Variants in STXBP5L observed in about 807,000 individuals in gnomAD.
The protein encoded by STXBP5L is syntaxin binding protein 5L.
STXBP5L carries 65 observed loss-of-function variants against 144.5 expected under a neutral mutation model. The ratio of observed to expected loss-of-function variants is 0.45; its 90% CI spans 0.37 to 0.55. STXBP5L has a LOEUF of 0.55. Ranked by LOEUF, STXBP5L falls within the 20% of genes least tolerant of loss-of-function variation. The probability of loss-of-function intolerance (pLI) is 0.00; values close to 1 mark genes in which losing one functional copy is unlikely to be tolerated. For synonymous variants in STXBP5L, 505 were observed against 469.6 expected (o/e 1.08, Z -0.97); for missense variants, 1,298 against 1,405.5 (o/e 0.92, Z 1.22).
At chr3:121,024,132 A>G (rs755107472) in intron 3 of STXBP5L, among the ~76,000 whole-genome samples, 2 of 152,174 alleles carry the variant, frequency 1.3e-5, no homozygotes, top group Non-Finnish European at 2.9e-5. Context: ...GAATCAAAAG[A>G]GAGGCCACAG....
intron 5 of STXBP5L, among the ~76,000 whole-genome samples, chr3:121,055,592 C>T (rs937609106): frequency 2.0e-5 from 3 of 151,984 alleles, no homozygotes; most frequent in African/African-American, 7.2e-5. Flanking sequence ...CTCACTGCAG[C>T]CTCAAACTCC....
In STXBP5L at chr3:121,185,929, T is replaced by G. The variant is rs565916219; in HGVS notation, c.878-19994T>G. ...CAATATTGATTCTTCCTACCCATGATCATAGAATGTTCTTCCATTTGTTTG... is the reference window on the plus strand; with the variant it reads ...CAATATTGATTCTTCCTACCCATGAGCATAGAATGTTCTTCCATTTGTTTG... On this transcript the variant is annotated intron_variant, in intron 9 of 26. Transcript: ENST00000471454. Among the ~76,000 whole-genome samples, 10 of 152,306 alleles carry G rather than the reference T, an allele frequency of 6.6e-5. No homozygotes were observed. The East Asian group carries it at 1.7e-3, about 26-fold the overall frequency.
chr3:120,981,670 A>T (rs1449335410), intron 3 of STXBP5L, among the ~76,000 whole-genome samples: 1 of 152,050 alleles, frequency 6.6e-6, no homozygotes, highest in African/African-American at 2.4e-5. Flanking sequence ...TGAATTCTTT[A>T]TCTTTGAATT....
At chr3:120,986,826 CA>C in intron 3 of STXBP5L, among the ~76,000 whole-genome samples, 1 of 151,758 alleles carries the variant, frequency 6.6e-6, no homozygotes, top group Admixed American at 6.6e-5. Context: ...CAGAACAATT[CA>C]AAGACAGATT....
intron 20 of STXBP5L, among the ~76,000 whole-genome samples, chr3:121,374,400 A>T (rs1228916149): frequency 2.6e-5 from 4 of 152,184 alleles, no homozygotes; most frequent in Admixed American, 2.0e-4. Flanking sequence ...GAACACAAAA[A>T]ATCAAGAAAA....
chr3:121,197,871 G>T (rs985508457), intron 9 of STXBP5L, among the ~76,000 whole-genome samples: 13 of 152,070 alleles, frequency 8.5e-5, no homozygotes, highest in African/African-American at 3.1e-4. Context: ...TATATGTGCC[G>T]CATTTTCTTA....
At chr3:121,109,376 T>A (rs2107807574) in intron 5 of STXBP5L, among the ~76,000 whole-genome samples, 1 of 152,332 alleles carries the variant, frequency 6.6e-6, no homozygotes, top group South Asian at 2.1e-4. Flanking sequence ...TCTATAAATT[T>A]CCCTCTTAAC....
intron 3 of STXBP5L, among the ~76,000 whole-genome samples, chr3:121,029,553 C>T (rs954185922): frequency 2.0e-5 from 3 of 151,976 alleles, no homozygotes; most frequent in East Asian, 1.9e-4. Flanking sequence ...AAGACTTAAA[C>T]GTAAGACCTA....
At chr3:121,409,908 G>A (rs2047077454) in intron 23 of STXBP5L, among the ~76,000 whole-genome samples, 1 of 150,982 alleles carries the variant, frequency 6.6e-6, no homozygotes, top group Admixed American at 6.6e-5. Flanking sequence ...AAAGAGAGAT[G>A]AGACAGGAAA....
chr3:121,352,716 A>G (rs1173676344), intron 20 of STXBP5L, among the ~76,000 whole-genome samples: 1 of 151,872 alleles, frequency 6.6e-6, no homozygotes, highest in Non-Finnish European at 1.5e-5. Flanking sequence ...TTCCAACATT[A>G]TGTTAAATAG....
chr3:121,294,224 G>A (rs1457106731), intron 19 of STXBP5L, among the ~76,000 whole-genome samples: 1 of 152,178 alleles, frequency 6.6e-6, no homozygotes. Context: ...TGATAGCAAC[G>A]CTGTTGGAGA....
chr3:121,004,438 A>T (rs948997506), intron 3 of STXBP5L, among the ~76,000 whole-genome samples: 2 of 151,650 alleles, frequency 1.3e-5, no homozygotes, highest in African/African-American at 4.9e-5. Flanking sequence ...TATCAGCTTA[A>T]GGAGATTTGG....
intron 3 of STXBP5L, among the ~76,000 whole-genome samples, chr3:120,975,339 T>G (rs1413892593): frequency 6.6e-6 from 1 of 151,882 alleles, no homozygotes; most frequent in Admixed American, 6.6e-5. Context: ...ATTTGGCTCT[T>G]TGTTTGTCTG....
rs571833696 is a variant in STXBP5L at position 121,407,603 on chromosome 3, G to A, written c.2948G>A (p.Ser983Asn). ...FCANGHIMIMSLPSLRPMLDV... is the reference protein window; with the variant it reads ...FCANGHIMIMNLPSLRPMLDV... Reference sequence around the variant, plus strand: ...GCTAACGGACATATCATGATAATGAGGTACTTGCCTTCTTATAAATTATCT... The same window carrying A: ...GCTAACGGACATATCATGATAATGAAGTACTTGCCTTCTTATAAATTATCT... The change falls in exon 23 of 27, where the codon AGC (serine) becomes AAC (asparagine). Residue 983 changes from serine (S) to asparagine (N), a missense_variant and splice_region_variant. Transcript: ENST00000471454. 1 of 1,612,818 alleles carries A rather than the reference G, an allele frequency of 6.2e-7. No homozygotes were observed. Among genetic ancestry groups the A allele is most frequent in the Non-Finnish European group, 8.5e-7 (1 of 1,179,400 alleles).
chr3:121,153,638 AG>A lies in STXBP5L; in HGVS notation c.753+1079del, dbSNP rs2046010458. On this transcript the variant is annotated intron_variant, in intron 8 of 26. Coordinates refer to ENST00000471454, the MANE Select transcript of STXBP5L (RefSeq NM_001308330.2). ...CCCCCTCATAACAGTTAATTTTTTA[AG>A]TTTCGGTGCTTAAAGATATAAGCCT... is the stretch of plus-strand genomic sequence containing the variant. Among the ~76,000 whole-genome samples, 3 of 152,010 alleles carry A rather than the reference AG, an allele frequency of 2.0e-5. No homozygotes were observed. The South Asian group carries it at 6.2e-4, about 31-fold the overall frequency.
intron 5 of STXBP5L, among the ~76,000 whole-genome samples, chr3:121,085,654 C>T (rs756081160): frequency 6.6e-6 from 1 of 152,164 alleles, no homozygotes; most frequent in African/African-American, 2.4e-5. Context: ...CTACAAACCA[C>T]TGCTCAAGGA....
Position 121,338,761 on chromosome 3 carries a change from A to C in STXBP5L, c.2176+20221A>C, listed in dbSNP as rs116620142. ...ATACAAAAGATTATTTAAGACTACT[A>C]TGAACACCTCTGTGCACATAAACTA... is the stretch of plus-strand genomic sequence containing the variant. On this transcript the variant is annotated intron_variant, in intron 20 of 26. Transcript: ENST00000471454. Among the ~76,000 whole-genome samples, 617 of 152,260 alleles carry C rather than the reference A, an allele frequency of 4.1e-3. 2 individuals are homozygous for C. Among genetic ancestry groups the C allele is most frequent in the African/African-American group, 0.014 (581 of 41,562 alleles).
intron 18 of STXBP5L, among the ~76,000 whole-genome samples, chr3:121,276,314 A>G (rs951453727): frequency 6.6e-6 from 1 of 151,850 alleles, no homozygotes; most frequent in African/African-American, 2.4e-5. Flanking sequence ...TGTTTTTTGC[A>G]TTATTGTCAT....
At chr3:120,933,976 A>C (rs2107628415) in intron 2 of STXBP5L, among the ~76,000 whole-genome samples, 1 of 152,110 alleles carries the variant, frequency 6.6e-6, no homozygotes. Context: ...TGAAACCACC[A>C]ATCATTTTCT....
Sources: allele counts gnomAD v4.1 joint callset (sites outside exome capture counted in the v4.1 genomes callset), GRCh38; gene constraint gnomAD v4.1.1; transcripts MANE v1.5; gene names NCBI Gene and HGNC (gene_info 2026-07-23, HGNC 2026-07-21).